Variants in AGBL1 observed in about 807,000 individuals in gnomAD.
AGBL1 encodes the protein cytosolic carboxypeptidase 4.
In AGBL1, 130 loss-of-function variants were observed where a neutral mutation model predicts 118.9. The ratio of observed to expected loss-of-function variants is 1.09; its 90% CI spans 0.95 to 1.26. The LOEUF is 1.26. Among genes scored for constraint, AGBL1 ranks in the 50% most tolerant of loss-of-function variants. AGBL1 has a pLI of 0.00. For missense variants in AGBL1, 1,584 were observed against 1,298.1 expected, an observed-to-expected ratio of 1.22 and a Z score of -3.38; for synonymous variants, 555 against 478.9, an observed-to-expected ratio of 1.16 and a Z score of -2.08.
intron 22 of AGBL1, among the ~76,000 whole-genome samples, chr15:86,697,634 T>C (rs1018963330): frequency 4.6e-5 from 7 of 151,992 alleles, no homozygotes; most frequent in Admixed American, 2.0e-4. Context: ...TGAGCTTGTA[T>C]GATTTTTGGG....
intron 22 of AGBL1, among the ~76,000 whole-genome samples, chr15:86,747,507 C>G (rs1056051253): frequency 3.9e-5 from 6 of 152,194 alleles, no homozygotes; most frequent in South Asian, 4.1e-4. Context: ...ACTTTAAGTT[C>G]TAGGGTACAT....
intron 17 of AGBL1, chr15:86,305,119 T>C (rs1005691422): frequency 6.6e-6 from 1 of 152,206 alleles, no homozygotes; most frequent in Admixed American, 6.6e-5. Context: ...TTGTCTTCCA[T>C]TGTTATTAAC....
intron 21 of AGBL1, among the ~76,000 whole-genome samples, chr15:86,637,071 A>G (rs1487040372): frequency 1.3e-5 from 2 of 152,072 alleles, no homozygotes; most frequent in Admixed American, 1.3e-4. Context: ...GAAGTATGGG[A>G]GCACCATCCA....
chr15:86,297,859 G>A (rs1388263113), intron 17 of AGBL1, among the ~76,000 whole-genome samples: 1 of 152,008 alleles, frequency 6.6e-6, no homozygotes, highest in African/African-American at 2.4e-5. Flanking sequence ...TGACTCCTTT[G>A]TTATAACACA....
At chr15:86,984,362 TC>T (rs3030279) in intron 23 of AGBL1, among the ~76,000 whole-genome samples, 3,080 of 78,788 alleles carry the variant, frequency 0.039, 77 homozygotes, top group Middle Eastern at 0.08. Context: ...TTTTTTTCTC[TC>T]TTTTTTTTTT....
chr15:86,254,567 A>G (rs1429656496), intron 7 of AGBL1, among the ~76,000 whole-genome samples: 7 of 152,214 alleles, frequency 4.6e-5, no homozygotes, highest in Admixed American at 2.6e-4. Flanking sequence ...CTCATATTTC[A>G]TCATCCCTTC....
In AGBL1 at chr15:86,845,719, A is replaced by G. The variant is rs570955298; in HGVS notation, c.3159-61368A>G. ...TCTGCGCCCAGGGTTTTCTTGATAAAAGAATACCTATTTACTAACTTAATT... is the reference window on the plus strand; with the variant it reads ...TCTGCGCCCAGGGTTTTCTTGATAAGAGAATACCTATTTACTAACTTAATT... On this transcript the variant is annotated intron_variant, in intron 22 of 22. Coordinates refer to ENST00000614907, the MANE Select transcript of AGBL1 (RefSeq NM_001386094.1). Among the ~76,000 whole-genome samples, 10 of 152,324 alleles carry G rather than the reference A, an allele frequency of 6.6e-5. No homozygotes were observed. In the South Asian group the frequency reaches 2.1e-3, roughly 32 times the overall value.
At chr15:86,961,790 T>G (rs2080995721) in intron 23 of AGBL1, among the ~76,000 whole-genome samples, 1 of 152,066 alleles carries the variant, frequency 6.6e-6, no homozygotes, top group Admixed American at 6.6e-5. Flanking sequence ...CACATTCAGG[T>G]GCATCTGCCA....
At chr15:86,889,215 GAT>G (rs1436277409) in intron 22 of AGBL1, among the ~76,000 whole-genome samples, 2 of 151,994 alleles carry the variant, frequency 1.3e-5, no homozygotes, top group Non-Finnish European at 2.9e-5. Context: ...AAGCATATAA[GAT>G]AGAAAAGACC....
intron 23 of AGBL1, among the ~76,000 whole-genome samples, chr15:86,937,743 C>A (rs2080693966): frequency 6.6e-6 from 1 of 152,138 alleles, no homozygotes; most frequent in East Asian, 1.9e-4. Flanking sequence ...ACAACAAACC[C>A]CCATGACATG....
At chr15:86,086,455 G>A (rs1895659809) in intron 1 of AGBL1, 2 of 152,144 alleles carry the variant, frequency 1.3e-5, no homozygotes, top group South Asian at 4.1e-4. Context: ...AAAGCCATAG[G>A]TCTGCAAATC....
chr15:86,288,657 T>C (rs994386566), intron 16 of AGBL1, among the ~76,000 whole-genome samples: 1 of 152,140 alleles, frequency 6.6e-6, no homozygotes, highest in Non-Finnish European at 1.5e-5. Flanking sequence ...TTGCTACAGT[T>C]CCATGAATAT....
At chr15:86,785,294 G>C (rs185219641) in intron 22 of AGBL1, among the ~76,000 whole-genome samples, 1 of 151,688 alleles carries the variant, frequency 6.6e-6, no homozygotes, top group Non-Finnish European at 1.5e-5. Context: ...CTGGCTGACC[G>C]TCGGAATCCT....
chr15:86,113,390 C>G (rs1171532858), intron 1 of AGBL1, among the ~76,000 whole-genome samples: 1 of 150,150 alleles, frequency 6.7e-6, no homozygotes, highest in East Asian at 2.0e-4. Flanking sequence ...TGGGTTCAAG[C>G]AATTCTCCTG....
At chr15:86,518,928 G>A (rs1486976878) in intron 18 of AGBL1, among the ~76,000 whole-genome samples, 1 of 150,492 alleles carries the variant, frequency 6.6e-6, no homozygotes, top group Non-Finnish European at 1.5e-5. Context: ...TCCTAGATCT[G>A]GCATATTTAG....
intron 21 of AGBL1, among the ~76,000 whole-genome samples, chr15:86,586,526 G>A (rs374713331): frequency 6.6e-6 from 1 of 152,122 alleles, no homozygotes; most frequent in East Asian, 1.9e-4. Context: ...GCAGAAAACC[G>A]AAATTCTGTT....
intron 22 of AGBL1, among the ~76,000 whole-genome samples, chr15:86,738,322 A>G (rs1596427373): frequency 6.6e-6 from 1 of 152,228 alleles, no homozygotes; most frequent in East Asian, 1.9e-4. Context: ...CTAGAACAAG[A>G]CAAGGATGCC....
chr15:86,556,601 G>A (rs1287075063), intron 21 of AGBL1, among the ~76,000 whole-genome samples: 1 of 152,156 alleles, frequency 6.6e-6, no homozygotes, highest in Admixed American at 6.5e-5. Context: ...CCTGGAGTTG[G>A]GTGTTTTGGT....
At position 86,871,252 on chromosome 15, in the gene AGBL1, T is replaced by G. The variant is rs140948127; in HGVS notation, c.3159-35835T>G. Among the ~76,000 whole-genome samples, 1,052 of 152,294 alleles carry G rather than the reference T, an allele frequency of 6.9e-3. 6 individuals carry two copies. Among genetic ancestry groups the G allele is most frequent in the Admixed American group, 0.011 (174 of 15,298 alleles). On this transcript the variant is annotated intron_variant, in intron 22 of 22. Coordinates refer to ENST00000614907, the MANE Select transcript of AGBL1 (RefSeq NM_001386094.1). ...CCTAGAGACATCCATCTGTCAGATATGGGGCTTGCTATTTCAAAGGGAGTA... is the reference window on the plus strand; with the variant it reads ...CCTAGAGACATCCATCTGTCAGATAGGGGGCTTGCTATTTCAAAGGGAGTA...
Sources: allele counts gnomAD v4.1 joint callset (sites outside exome capture counted in the v4.1 genomes callset), GRCh38; gene constraint gnomAD v4.1.1; transcripts MANE v1.5; gene names NCBI Gene and HGNC (gene_info 2026-07-23, HGNC 2026-07-21).